UBE3B: variants seen among roughly 807,000 people sequenced by gnomAD.
The protein encoded by UBE3B is ubiquitin protein ligase E3B.
UBE3B carries 80 observed loss-of-function variants against 132.3 expected under a neutral mutation model. The ratio of observed to expected loss-of-function variants is 0.60; its 90% CI spans 0.50 to 0.73. UBE3B has a LOEUF of 0.73. Among genes scored for constraint, UBE3B ranks in the 30% least tolerant of loss-of-function variants. UBE3B has a pLI of 0.00. For synonymous variants in UBE3B, 487 were observed against 520.4 expected, an observed-to-expected ratio of 0.94 and a Z score of 0.87; for missense variants, 1,196 against 1,362.5, an observed-to-expected ratio of 0.88 and a Z score of 1.92.
intron 1 of UBE3B, among the ~76,000 whole-genome samples, chr12:109,479,417 C>T (rs867467506): frequency 1.3e-5 from 2 of 152,054 alleles, no homozygotes; most frequent in African/African-American, 4.8e-5. Flanking sequence ...GACATAGACA[C>T]TATTATTACC....
intron 26 of UBE3B, among the ~76,000 whole-genome samples, chr12:109,532,530 C>G (rs1883037516): frequency 6.6e-6 from 1 of 152,184 alleles, no homozygotes; most frequent in Non-Finnish European, 1.5e-5. Flanking sequence ...TGACAAGCCC[C>G]TGTATCCCCT....
intron 8 of UBE3B, chr12:109,490,463 G>A (rs1452300654): frequency 6.5e-7 from 1 of 1,535,282 alleles, no homozygotes; most frequent in South Asian, 1.2e-5. Context: ...GAGAAGTAAT[G>A]TTGACTTTGC....
intron 1 of UBE3B, among the ~76,000 whole-genome samples, chr12:109,478,565 G>T (rs902269506): frequency 6.6e-6 from 1 of 152,152 alleles, no homozygotes; most frequent in Non-Finnish European, 1.5e-5. Flanking sequence ...CGGATCACCT[G>T]AGGTCAGAAG....
At chr12:109,533,201 G>C (rs1335277767) in intron 26 of UBE3B, among the ~76,000 whole-genome samples, 1 of 152,194 alleles carries the variant, frequency 6.6e-6, no homozygotes, top group Admixed American at 6.5e-5. Flanking sequence ...CTACTCTGCA[G>C]TCACACGTGC....
At chr12:109,539,182 G>A (rs1187242300), downstream of UBE3B, among the ~76,000 whole-genome samples, 2 of 152,184 alleles carry the variant, frequency 1.3e-5, no homozygotes, top group Non-Finnish European at 2.9e-5. Flanking sequence ...GTTGCAATGA[G>A]CCAAGATCAC....
At chr12:109,488,819 A>G (rs1015002371) in intron 7 of UBE3B, 151 bp downstream of exon 7, 30 of 685,120 alleles carry the variant, frequency 4.4e-5, no homozygotes, top group Non-Finnish European at 7.3e-5. Flanking sequence ...GCTGACCATC[A>G]GACTGCATCG....
Position 109,491,068 on chromosome 12 carries a change from A to C in UBE3B, c.654A>C (p.Ala218=), listed in dbSNP as rs200207745. Residue 218 remains alanine (A), a synonymous_variant, in exon 9 of 28, where the codon GCA becomes GCC. Transcript: ENST00000342494. ...VLQILLTRGL[A]RPRPCLSKGT... is the part of the protein sequence containing the mutation. ...AGATATTGTTAACCCGTGGCCTGGC[A>C]AGACCCCGTCCTTGTCTATCCAAAG... 1 of 1,613,972 alleles carries C rather than the reference A, an allele frequency of 6.2e-7. No individual in the cohort carries two copies. Among genetic ancestry groups the C allele is most frequent in the Non-Finnish European group, 8.5e-7 (1 of 1,179,870 alleles).
intron 18 of UBE3B, 82 bp downstream of exon 18, chr12:109,511,385 A>T: frequency 7.9e-7 from 1 of 1,266,634 alleles, no homozygotes; most frequent in Non-Finnish European, 1.1e-6. Context: ...TGCTATGGCA[A>T]TTGGAGGTGA....
At chr12:109,544,748 C>T in the UBE3B span, among the ~76,000 whole-genome samples, 52 of 152,282 alleles carry the variant, frequency 3.4e-4, no homozygotes, top group African/African-American at 1.2e-3. Flanking sequence ...TGGTCATCAG[C>T]CTTCAAACAC....
At chr12:109,537,134 G>A (rs555414168), downstream of UBE3B, among the ~76,000 whole-genome samples, 1 of 152,290 alleles carries the variant, frequency 6.6e-6, no homozygotes, top group Admixed American at 6.5e-5. Flanking sequence ...ACTGGCATGA[G>A]CCACCATGCC....
chr12:109,520,876 T>G, intron 19 of UBE3B: 1 of 326,144 alleles, frequency 3.1e-6, no homozygotes. Context: ...TCATGACTCA[T>G]TTTGTCTAAC....
chr12:109,505,747 C>T (rs774735935), intron 14 of UBE3B, among the ~76,000 whole-genome samples: 4 of 152,200 alleles, frequency 2.6e-5, no homozygotes, highest in Admixed American at 6.5e-5. Flanking sequence ...TTCTTGGCCT[C>T]CTTTAGAATT....
At chr12:109,538,948 C>A (rs372773906), downstream of UBE3B, among the ~76,000 whole-genome samples, 11 of 152,152 alleles carry the variant, frequency 7.2e-5, no homozygotes, top group Admixed American at 2.6e-4. The surrounding 1 kb of genome is among the most constrained non-coding windows in gnomAD (Gnocchi z 4.1). Flanking sequence ...TCAGAAGAAG[C>A]TGCATGGCCA....
chr12:109,480,029 A>G (rs1875093930), intron 1 of UBE3B, among the ~76,000 whole-genome samples: 1 of 152,066 alleles, frequency 6.6e-6, no homozygotes, highest in Non-Finnish European at 1.5e-5. Flanking sequence ...CTCACTCTAA[A>G]CAACAGGGCC....
chr12:109,494,144 A>G (rs1465272922), intron 9 of UBE3B, among the ~76,000 whole-genome samples: 1 of 152,124 alleles, frequency 6.6e-6, no homozygotes, highest in Non-Finnish European at 1.5e-5. Context: ...CATTTTATAG[A>G]TAAGGAAGCT....
At chr12:109,515,865 A>G (rs1209493328) in intron 18 of UBE3B, among the ~76,000 whole-genome samples, 1 of 151,930 alleles carries the variant, frequency 6.6e-6, no homozygotes, top group African/African-American at 2.4e-5. Context: ...TCTTAAGAAT[A>G]AGGAGAGAGG....
chr12:109,483,475 TG>T, intron 2 of UBE3B, 55 bp from the exon 3 acceptor site: 1 of 1,493,450 alleles, frequency 6.7e-7, no homozygotes, highest in Non-Finnish European at 8.9e-7. Flanking sequence ...AGCCCCTTTC[TG>T]TGTGTGTTTT....
intron 18 of UBE3B, among the ~76,000 whole-genome samples, chr12:109,515,218 C>T (rs1211356937): frequency 6.6e-6 from 1 of 151,610 alleles, no homozygotes; most frequent in Non-Finnish European, 1.5e-5. Flanking sequence ...TGGCCCATCC[C>T]CTTTCTTCTT....
chr12:109,503,978 A>T (rs1401886790), intron 14 of UBE3B, among the ~76,000 whole-genome samples: 1 of 152,218 alleles, frequency 6.6e-6, no homozygotes, highest in Non-Finnish European at 1.5e-5. Context: ...GGCACTGAGG[A>T]TACAGAGGTG....
Sources: gnomAD v4.1 joint callset for allele counts (sites outside exome capture counted in the v4.1 genomes callset) on GRCh38, gnomAD v4.1.1 for gene constraint, Gnocchi (gnomAD v3.1) non-coding constraint, MANE v1.5 for transcripts, NCBI Gene and HGNC (gene_info 2026-07-23, HGNC 2026-07-21) for gene names.